The following TCEA3 variants were observed in gnomAD, a reference collection of about 807,000 sequenced individuals.
TCEA3 encodes transcription elongation factor A protein 3.
A neutral mutation model predicts 44.0 loss-of-function variants in TCEA3; 36 were observed. The ratio of observed to expected loss-of-function variants is 0.82; its 90% CI spans 0.63 to 1.08. The LOEUF is 1.08. Among genes scored for constraint, TCEA3 ranks in the 50% least tolerant of loss-of-function variants. The pLI is 0.00. For missense variants in TCEA3, 392 were observed against 441.2 expected (o/e 0.89, Z 1.00); for synonymous variants, 162 against 159.7 (o/e 1.01, Z -0.11).
intron 2 of TCEA3, 190 bp from the exon 3 acceptor site, chr1:23,418,199 G>A (rs1192164055): frequency 8.4e-6 from 5 of 592,208 alleles, no homozygotes; most frequent in African/African-American, 7.4e-5. Context: ...GCACGAGGCC[G>A]AGGGCCCAGG....
chr1:23,396,480 G>A (rs966445139), intron 7 of TCEA3, among the ~76,000 whole-genome samples: 4 of 152,046 alleles, frequency 2.6e-5, no homozygotes, highest in African/African-American at 9.7e-5. Flanking sequence ...GTCTACACAA[G>A]GCCCCTTTCA....
At chr1:23,408,521 G>A (rs1639617401) in intron 5 of TCEA3, 143 bp downstream of exon 5, 3 of 785,828 alleles carry the variant, frequency 3.8e-6, no homozygotes, top group East Asian at 5.5e-5. Flanking sequence ...AGACTGTGTG[G>A]GTCTTAGAAT....
chr1:23,408,852 C>T, intron 4 of TCEA3, 126 bp from the exon 5 acceptor site: 2 of 839,226 alleles, frequency 2.4e-6, no homozygotes. Context: ...ACCCGGGCCA[C>T]AGCTACTTGG....
At chr1:23,408,380 C>A (rs1290479027) in intron 5 of TCEA3, among the ~76,000 whole-genome samples, 4 of 152,138 alleles carry the variant, frequency 2.6e-5, no homozygotes, top group Non-Finnish European at 5.9e-5. Context: ...GAGCCACACC[C>A]CTGATTCGGG....
chr1:23,389,521 A>G (rs72882938), intron 8 of TCEA3, among the ~76,000 whole-genome samples: 10,359 of 148,896 alleles, frequency 0.07, 482 homozygotes, highest in South Asian at 0.21. Flanking sequence ...TTGGTGGTGC[A>G]TGCCTGTAAT....
intron 5 of TCEA3, among the ~76,000 whole-genome samples, chr1:23,408,242 A>C (rs61045931): frequency 2.6e-5 from 4 of 152,048 alleles, no homozygotes; most frequent in Admixed American, 6.6e-5. Context: ...GATTACAGGC[A>C]TGAGCCACTG....
At chr1:23,421,934 G>A (rs1478523504) in intron 1 of TCEA3, among the ~76,000 whole-genome samples, 1 of 152,186 alleles carries the variant, frequency 6.6e-6, no homozygotes, top group Non-Finnish European at 1.5e-5. Context: ...TCATATTGGA[G>A]GAGAATAGCC....
At chr1:23,393,761 C>G in intron 8 of TCEA3, 118 bp downstream of exon 8, 1 of 1,356,488 alleles carries the variant, frequency 7.4e-7, no homozygotes, top group Non-Finnish European at 9.8e-7. Flanking sequence ...TGAGATGAGG[C>G]TGGTTTGAAA....
At chr1:23,395,244 T>G (rs1345007111) in intron 7 of TCEA3, among the ~76,000 whole-genome samples, 2 of 152,218 alleles carry the variant, frequency 1.3e-5, no homozygotes, top group African/African-American at 4.8e-5. Context: ...TGGGGTGTAT[T>G]GATATGCGGA....
intron 5 of TCEA3, among the ~76,000 whole-genome samples, chr1:23,406,119 C>A (rs2148569367): frequency 6.6e-6 from 1 of 152,346 alleles, no homozygotes; most frequent in African/African-American, 2.4e-5. Flanking sequence ...CCACATCAGA[C>A]ATTGCTAATT....
chr1:23,381,689 A>G (rs1638675200), intron 10 of TCEA3, among the ~76,000 whole-genome samples: 1 of 152,244 alleles, frequency 6.6e-6, no homozygotes, highest in Non-Finnish European at 1.5e-5. Flanking sequence ...ATCAGGTAAT[A>G]AATGAATGGC....
intron 5 of TCEA3, among the ~76,000 whole-genome samples, chr1:23,407,817 A>G (rs1639585725): frequency 6.6e-6 from 1 of 152,086 alleles, no homozygotes; most frequent in South Asian, 2.1e-4. Context: ...TAGGCCCTCA[A>G]TAAATATTTG....
At chr1:23,415,225 C>T (rs1016470325) in intron 4 of TCEA3, among the ~76,000 whole-genome samples, 1 of 151,724 alleles carries the variant, frequency 6.6e-6, no homozygotes, top group Admixed American at 6.6e-5. Flanking sequence ...GTTTCACCAT[C>T]TTGGCCAGGC....
At chr1:23,394,144 A>G in intron 7 of TCEA3, 111 bp from the exon 8 acceptor site, 1 of 1,322,422 alleles carries the variant, frequency 7.6e-7, no homozygotes, top group Non-Finnish European at 1.0e-6. Context: ...TCGGACTTCT[A>G]CAGGAGTTGG....
chr1:23,412,701 T>A (rs554383446), intron 4 of TCEA3, among the ~76,000 whole-genome samples: 1 of 148,664 alleles, frequency 6.7e-6, no homozygotes, highest in African/African-American at 2.5e-5. Flanking sequence ...AGAGTGAAAC[T>A]CCATCTCAAA....
intron 5 of TCEA3, chr1:23,404,220 T>C: frequency 1.4e-6 from 1 of 701,758 alleles, no homozygotes; most frequent in Non-Finnish European, 2.6e-6. Flanking sequence ...CAGTCAACTT[T>C]CTCCCCTGTC....
Position 23,408,713 on chromosome 1 carries a change from CCA to C in TCEA3, c.392_393del (p.Val131GlyfsTer32). 6.2e-7 allele frequency: 1 copy of C among 1,609,730 alleles called. No individual in the cohort carries two copies. The highest frequency in any genetic ancestry group is 8.5e-7 in the Non-Finnish European group (1 of 1,178,130). Reference sequence around the variant, plus strand: ...GAGGAGGAGGCAGAAGACTTGGAGTCCACAGAGTCTCTCCTGAAAGAAGAAAA... The same window carrying C: ...GAGGAGGAGGCAGAAGACTTGGAGTCCAGAGTCTCTCCTGAAAGAAGAAAA... ...REDPKTRRDS[V>X]DSKSSASSSP... On this transcript the variant is annotated frameshift_variant, in exon 5 of 11. Transcript: ENST00000450454. LOFTEE classifies it high-confidence loss of function.
chr1:23,415,184 G>A (rs1359348559), intron 4 of TCEA3, among the ~76,000 whole-genome samples: 4 of 151,866 alleles, frequency 2.6e-5, no homozygotes, highest in Middle Eastern at 3.4e-3. Flanking sequence ...CACTACCCCT[G>A]GTTAATTTTT....
At position 23,381,154 on chromosome 1, in the gene TCEA3, A is replaced by G; in HGVS notation, c.*312T>C. The G allele has an allele frequency of 5.7e-6, 2 of 352,452 alleles. No homozygotes were observed. Among genetic ancestry groups the G allele is most frequent in the Non-Finnish European group, 1.0e-5 (2 of 193,452 alleles). 21.8% of individuals were successfully genotyped at this position (352,452 alleles called of 1,614,324 possible). A position where few individuals can be genotyped will look rare whatever the true frequency, so the allele number is the denominator to read the frequency against. Reference sequence around the variant, plus strand: ...GGACTCAAACTTCTGGGGTTAAGCGATTCTCCCACCTCAGCCTCCCAGAGT... The same window carrying G: ...GGACTCAAACTTCTGGGGTTAAGCGGTTCTCCCACCTCAGCCTCCCAGAGT... On this transcript the variant is annotated 3_prime_UTR_variant, in exon 11 of 11. Transcript: ENST00000450454.
Sources: allele counts gnomAD v4.1 joint callset (sites outside exome capture counted in the v4.1 genomes callset), GRCh38; gene constraint gnomAD v4.1.1; transcripts MANE v1.5; gene names NCBI Gene and HGNC (gene_info 2026-07-23, HGNC 2026-07-21).